Variants in ERG observed in about 807,000 individuals in gnomAD.
ERG encodes ETS transcription factor ERG, also known as transcriptional regulator ERG.
A neutral mutation model predicts 55.3 loss-of-function variants in ERG; 9 were observed. The ratio of observed to expected loss-of-function variants is 0.16; its 90% CI spans 0.10 to 0.28. ERG has a LOEUF of 0.28. ERG is among the 10% of genes least tolerant of loss of function. The probability of loss-of-function intolerance (pLI) is 1.00; values close to 1 mark genes in which losing one functional copy is unlikely to be tolerated. For missense variants in ERG, 434 were observed against 631.6 expected (o/e 0.69, Z 3.35); for synonymous variants, 223 against 237.3 (o/e 0.94, Z 0.55).
At chr21:38,394,588 G>A (rs1288452571) in intron 6 of ERG, among the ~76,000 whole-genome samples, 1 of 152,070 alleles carries the variant, frequency 6.6e-6, no homozygotes, top group African/African-American at 2.4e-5. Context: ...TCCTGACCCC[G>A]TGATCCGCCC....
intron 3 of ERG, among the ~76,000 whole-genome samples, chr21:38,418,193 C>G (rs1989366222): frequency 6.6e-6 from 1 of 151,814 alleles, no homozygotes; most frequent in Non-Finnish European, 1.5e-5. Flanking sequence ...CCTTATTGTA[C>G]ATGAAAATTA....
intron 2 of ERG, among the ~76,000 whole-genome samples, chr21:38,550,221 G>A (rs1436402068): frequency 6.6e-6 from 1 of 152,142 alleles, no homozygotes; most frequent in Non-Finnish European, 1.5e-5. Flanking sequence ...TAACAGGCTG[G>A]CCCTGAGCTG....
At chr21:38,641,452 G>C (rs1234993534) in intron 1 of ERG, among the ~76,000 whole-genome samples, 4 of 152,154 alleles carry the variant, frequency 2.6e-5, no homozygotes, top group Non-Finnish European at 5.9e-5. Flanking sequence ...ACAGTATTTT[G>C]TTATAGCAGC....
At chr21:38,377,290 C>T (rs1987269551), downstream of ERG, among the ~76,000 whole-genome samples, 3 of 152,278 alleles carry the variant, frequency 2.0e-5, no homozygotes, top group South Asian at 2.1e-4. Flanking sequence ...TTGGGAGGCT[C>T]CTCTTTGGAC....
At chr21:38,619,767 A>G (rs2060279280) in intron 1 of ERG, among the ~76,000 whole-genome samples, 1 of 152,240 alleles carries the variant, frequency 6.6e-6, no homozygotes, top group Admixed American at 6.5e-5. Flanking sequence ...TTAATGTAGC[A>G]TCATTGTCAT....
intron 1 of ERG, among the ~76,000 whole-genome samples, chr21:38,635,350 T>G (rs571565084): frequency 7.2e-4 from 110 of 152,256 alleles, no homozygotes; most frequent in African/African-American, 2.5e-3. Flanking sequence ...GAGCAGGCCC[T>G]AATGTAAACT....
At chr21:38,449,309 C>T (rs1264909006) in intron 1 of ERG, among the ~76,000 whole-genome samples, 3 of 152,170 alleles carry the variant, frequency 2.0e-5, no homozygotes, top group Admixed American at 2.0e-4. Context: ...AGGCAAATGG[C>T]AGGCTACCAA....
At chr21:38,469,003 A>AG (rs1369594869) in intron 1 of ERG, among the ~76,000 whole-genome samples, 43 of 54,014 alleles carry the variant, frequency 8.0e-4, no homozygotes, top group African/African-American at 1.7e-3. Flanking sequence ...AAAAAAAAAG[A>AG]AAAAAAAAAA....
Position 38,513,616 on chromosome 21 carries a change from T to A in ERG, c.-41+62046A>T, listed in dbSNP as rs547179277. 9.2e-5 allele frequency among the ~76,000 whole-genome samples: 14 copies of A among 152,308 alleles called. No homozygotes were observed. In the South Asian group the frequency reaches 2.5e-3, roughly 27 times the overall value. ...AGATGGCTGTGGGAGTCATTTATAT[T>A]TTAATACTAACTTGAACAAGGCTTG... On this transcript the variant is annotated intron_variant, in intron 2 of 8. Transcript: ENST00000398897.
intron 1 of ERG, among the ~76,000 whole-genome samples, chr21:38,637,070 G>A (rs535744991): frequency 2.0e-5 from 3 of 152,176 alleles, no homozygotes; most frequent in Non-Finnish European, 2.9e-5. Flanking sequence ...TGGTCTGGCT[G>A]GTGATAATCT....
At chr21:38,497,368 A>G (rs2059388241) in intron 1 of ERG, among the ~76,000 whole-genome samples, 1 of 152,236 alleles carries the variant, frequency 6.6e-6, no homozygotes, top group Admixed American at 6.5e-5. Flanking sequence ...TCCGTGCAGC[A>G]AAACTAAAGA....
intron 2 of ERG, among the ~76,000 whole-genome samples, chr21:38,504,620 ACGT>A (rs1349747720): frequency 3.3e-5 from 5 of 152,334 alleles, no homozygotes; most frequent in African/African-American, 1.2e-4. Flanking sequence ...TACAGACATC[ACGT>A]TGCCATTGGT....
chr21:38,564,555 A>T (rs2059911209), intron 2 of ERG, among the ~76,000 whole-genome samples: 2 of 152,128 alleles, frequency 1.3e-5, no homozygotes, highest in South Asian at 4.1e-4. Context: ...AGTTGTTTGC[A>T]TATAAGCTGT....
intron 1 of ERG, among the ~76,000 whole-genome samples, chr21:38,631,449 A>G (rs1284088647): frequency 1.3e-5 from 2 of 152,190 alleles, no homozygotes; most frequent in Non-Finnish European, 2.9e-5. Flanking sequence ...TTTTGCTTTT[A>G]GTGGTAACTG....
intron 1 of ERG, among the ~76,000 whole-genome samples, chr21:38,622,909 C>A (rs1377272008): frequency 4.1e-5 from 6 of 148,128 alleles, no homozygotes; most frequent in African/African-American, 1.3e-4. Flanking sequence ...CATACATACA[C>A]CACATGCTCA....
At chr21:38,419,398 T>C (rs1989435935) in intron 3 of ERG, among the ~76,000 whole-genome samples, 1 of 152,230 alleles carries the variant, frequency 6.6e-6, no homozygotes, top group South Asian at 2.1e-4. Flanking sequence ...ATTTGCTTTC[T>C]TTTTATCCTG....
At chr21:38,543,363 T>TAAA (rs772766504) in intron 2 of ERG, among the ~76,000 whole-genome samples, 10,832 of 64,756 alleles carry the variant, frequency 0.17, 521 homozygotes, top group African/African-American at 0.22. Flanking sequence ...GTGTTTTTTT[T>TAAA]TAAAAAAAAA....
intron 2 of ERG, among the ~76,000 whole-genome samples, chr21:38,439,689 T>A (rs1228610808): frequency 1.3e-5 from 2 of 152,244 alleles, no homozygotes; most frequent in African/African-American, 4.8e-5. Flanking sequence ...CACAAGGACA[T>A]CCCAGTTGGC....
chr21:38,402,425 C>T (rs570123509), intron 5 of ERG, 132 bp downstream of exon 5: 2 of 662,158 alleles, frequency 3.0e-6, no homozygotes, highest in South Asian at 1.9e-5. Context: ...TCCTAAGTAT[C>T]CGAAAGTATT....
Sources: allele counts gnomAD v4.1 joint callset (sites outside exome capture counted in the v4.1 genomes callset), GRCh38; gene constraint gnomAD v4.1.1; transcripts MANE v1.5; gene names NCBI Gene and HGNC (gene_info 2026-07-23, HGNC 2026-07-21).